Variants in DNER observed in about 807,000 individuals in gnomAD.
The protein encoded by DNER is delta and Notch-like epidermal growth factor-related receptor.
Under a neutral mutation model 78.2 loss-of-function variants are expected in DNER, and 33 were observed. The ratio of observed to expected loss-of-function variants is 0.42; its 90% CI spans 0.32 to 0.56. The LOEUF (loss-of-function observed/expected upper bound fraction) is 0.56, where lower values mean the gene tolerates loss of function less well. Among genes scored for constraint, DNER ranks in the 20% least tolerant of loss-of-function variants. DNER has a pLI of 0.11. For missense variants in DNER, 918 were observed against 975.3 expected (o/e 0.94, Z 0.78); for synonymous variants, 417 against 384.8 (o/e 1.08, Z -0.98).
At chr2:229,369,043 G>A (rs1692416280) in intron 11 of DNER, among the ~76,000 whole-genome samples, 1 of 152,102 alleles carries the variant, frequency 6.6e-6, no homozygotes, top group Admixed American at 6.5e-5. Flanking sequence ...CACCAACCTT[G>A]CTTTCAATCC....
At chr2:229,369,265 TTTCTAAAA>T (rs1692424428) in intron 11 of DNER, among the ~76,000 whole-genome samples, 1 of 151,642 alleles carries the variant, frequency 6.6e-6, no homozygotes, top group South Asian at 2.1e-4. Context: ...AAGTTTTAAC[TTTCTAAAA>T]AGTTAAAAAA....
At chr2:229,626,006 G>A (rs1007175621) in intron 1 of DNER, among the ~76,000 whole-genome samples, 2 of 151,744 alleles carry the variant, frequency 1.3e-5, no homozygotes, top group African/African-American at 4.8e-5. Flanking sequence ...TGCAAGCTCC[G>A]CCTCCCGGGT....
chr2:229,534,382 G>GTAACAGACCAATAGATTGTAATA (rs1171474806), intron 5 of DNER, among the ~76,000 whole-genome samples: 1 of 152,080 alleles, frequency 6.6e-6, no homozygotes, highest in Non-Finnish European at 1.5e-5. Flanking sequence ...AGATTGTAAT[G>GTAACAGACCAATAGATTGTAATA]TAACAGACCA....
At chr2:229,607,072 C>T (rs1448765418) in intron 1 of DNER, among the ~76,000 whole-genome samples, 1 of 152,136 alleles carries the variant, frequency 6.6e-6, no homozygotes, top group East Asian at 1.9e-4. Context: ...GGAAATAAGC[C>T]ACCATCAGCA....
intron 1 of DNER, among the ~76,000 whole-genome samples, chr2:229,650,477 GC>G (rs1698796137): frequency 6.6e-6 from 1 of 152,184 alleles, no homozygotes; most frequent in Admixed American, 6.5e-5. Flanking sequence ...CTCCTGAAAA[GC>G]AGGTTTCATC....
intron 10 of DNER, among the ~76,000 whole-genome samples, chr2:229,397,463 CAA>C (rs763572496): frequency 3.1e-5 from 3 of 96,588 alleles, no homozygotes; most frequent in Non-Finnish European, 4.1e-5. Context: ...CCAAACACTA[CAA>C]AAAAAAAAAA....
chr2:229,671,412 C>T (rs1699206260), intron 1 of DNER, among the ~76,000 whole-genome samples: 1 of 152,216 alleles, frequency 6.6e-6, no homozygotes, highest in Admixed American at 6.5e-5. Context: ...TGCCTCCTAT[C>T]CAATGTAACC....
chr2:229,462,511 A>T (rs567475590), intron 7 of DNER, among the ~76,000 whole-genome samples: 1 of 152,120 alleles, frequency 6.6e-6, no homozygotes, highest in South Asian at 2.1e-4. Flanking sequence ...GATCTTATAG[A>T]CACTATCTCC....
At chr2:229,623,144 A>G (rs1385503417) in intron 1 of DNER, among the ~76,000 whole-genome samples, 1 of 151,912 alleles carries the variant, frequency 6.6e-6, no homozygotes, top group African/African-American at 2.4e-5. Flanking sequence ...TGGTGGGAGC[A>G]TTCTCCCTAT....
intron 1 of DNER, among the ~76,000 whole-genome samples, chr2:229,651,938 G>A (rs1313069065): frequency 7.9e-5 from 12 of 151,918 alleles, no homozygotes; most frequent in East Asian, 3.9e-4. Flanking sequence ...AAGGCACTCC[G>A]GTGGTAGAGA....
intron 8 of DNER, among the ~76,000 whole-genome samples, chr2:229,438,199 C>T (rs865857235): frequency 3.3e-5 from 5 of 152,198 alleles, no homozygotes; most frequent in South Asian, 2.1e-4. Context: ...GTCAGAGTTG[C>T]GCTTCTCTGT....
intron 1 of DNER, among the ~76,000 whole-genome samples, chr2:229,652,184 G>A (rs1430648264): frequency 6.6e-6 from 1 of 152,166 alleles, no homozygotes; most frequent in Non-Finnish European, 1.5e-5. Context: ...AAGAAAGGTA[G>A]CAGGAAGAGT....
intron 11 of DNER, among the ~76,000 whole-genome samples, chr2:229,373,507 C>T (rs1406647417): frequency 6.6e-6 from 1 of 152,188 alleles, no homozygotes; most frequent in Non-Finnish European, 1.5e-5. Flanking sequence ...TAAATTAGTT[C>T]AGCCACTGTG....
intron 5 of DNER, among the ~76,000 whole-genome samples, chr2:229,518,084 A>C (rs1016228967): frequency 2.6e-5 from 4 of 152,230 alleles, no homozygotes; most frequent in Non-Finnish European, 5.9e-5. Flanking sequence ...GCCATCTCAA[A>C]GCAGAAGCTG....
chr2:229,629,587 C>T (rs1698400783), intron 1 of DNER, among the ~76,000 whole-genome samples: 2 of 152,180 alleles, frequency 1.3e-5, no homozygotes, highest in African/African-American at 4.8e-5. Context: ...GTGTCTCAGA[C>T]AGGCAGTCAG....
intron 7 of DNER, among the ~76,000 whole-genome samples, chr2:229,469,347 A>G (rs1251042900): frequency 1.3e-5 from 2 of 152,200 alleles, no homozygotes; most frequent in Admixed American, 6.5e-5. Context: ...TATCTGACAA[A>G]TGGCATAATA....
rs775593430 is a variant in DNER, at chr2:229,547,092, C to G, written c.848G>C (p.Gly283Ala). ...MLALGNNHFI[G>A]FVNDSVTKSI... ...CTTAGTCACAGAATCATTCACAAAACCTAAAAGAAAATGAGGCAAAAGGAA... is the reference window on the plus strand; with the variant it reads ...CTTAGTCACAGAATCATTCACAAAAGCTAAAAGAAAATGAGGCAAAAGGAA... Residue 283 changes from glycine (G) to alanine (A), a missense_variant and splice_region_variant, in exon 5 of 13, where the codon GGT (glycine) becomes GCT (alanine). Transcript: ENST00000341772. 3 of 1,613,868 alleles carry G rather than the reference C, an allele frequency of 1.9e-6. No homozygotes were observed. In the South Asian group the frequency reaches 3.3e-5, roughly 18 times the overall value.
chr2:229,654,794 C>G (rs1299518577), intron 1 of DNER, among the ~76,000 whole-genome samples: 1 of 152,106 alleles, frequency 6.6e-6, no homozygotes, highest in Non-Finnish European at 1.5e-5. Flanking sequence ...CACAAGCCAC[C>G]TGAAATTCAG....
intron 5 of DNER, among the ~76,000 whole-genome samples, chr2:229,522,812 C>T (rs1369855916): frequency 6.6e-6 from 1 of 152,172 alleles, no homozygotes; most frequent in Admixed American, 6.5e-5. Context: ...ACAAAGCTAT[C>T]ATCTCCTGAA....
Sources: gnomAD v4.1 joint callset for allele counts (sites outside exome capture counted in the v4.1 genomes callset) on GRCh38, gnomAD v4.1.1 for gene constraint, MANE v1.5 for transcripts, NCBI Gene and HGNC (gene_info 2026-07-23, HGNC 2026-07-21) for gene names.